GPC6: variants seen among roughly 807,000 people sequenced by gnomAD.
The protein encoded by GPC6 is glypican-6.
In GPC6, 14 loss-of-function variants were observed where a neutral mutation model predicts 55.2. That is an observed-to-expected ratio of 0.25 (90% CI 0.17 to 0.40). The LOEUF (loss-of-function observed/expected upper bound fraction) is 0.40, where lower values mean the gene tolerates loss of function less well. Among genes scored for constraint, GPC6 ranks in the 10% least tolerant of loss-of-function variants. The pLI, the probability that GPC6 is intolerant of heterozygous loss-of-function variation, is 1.00. For missense variants in GPC6, 641 were observed against 708.5 expected, an observed-to-expected ratio of 0.90 and a Z score of 1.08; for synonymous variants, 278 against 259.6, an observed-to-expected ratio of 1.07 and a Z score of -0.68.
At chr13:93,703,977 A>T (rs1170881422) in intron 2 of GPC6, among the ~76,000 whole-genome samples, 1 of 152,010 alleles carries the variant, frequency 6.6e-6, no homozygotes, top group Non-Finnish European at 1.5e-5. Flanking sequence ...TTACAATTAA[A>T]CTATCCATGA....
intron 3 of GPC6, among the ~76,000 whole-genome samples, chr13:93,926,389 G>A (rs1877861452): frequency 6.6e-6 from 1 of 152,218 alleles, no homozygotes; most frequent in South Asian, 2.1e-4. Flanking sequence ...ACCAAGGACA[G>A]TTTTGTATAT....
intron 3 of GPC6, among the ~76,000 whole-genome samples, chr13:93,944,170 TTTTATTTA>T (rs140286554): frequency 0.23 from 33,781 of 144,738 alleles, 4,564 homozygotes; most frequent in Non-Finnish European, 0.31. Context: ...CTTCCTTTTA[TTTTATTTA>T]TTTATTTATT....
chr13:93,254,689 G>A (rs558176870), intron 1 of GPC6, among the ~76,000 whole-genome samples: 1 of 152,034 alleles, frequency 6.6e-6, no homozygotes, highest in East Asian at 1.9e-4. Context: ...GATGTTTTAA[G>A]TAAGTTCTGG....
At chr13:93,634,917 A>G (rs1879629497) in intron 2 of GPC6, among the ~76,000 whole-genome samples, 1 of 152,170 alleles carries the variant, frequency 6.6e-6, no homozygotes, top group Admixed American at 6.5e-5. Context: ...GAGTAGGCAA[A>G]ACTCTAGAAT....
intron 2 of GPC6, among the ~76,000 whole-genome samples, chr13:93,676,299 C>T (rs746183972): frequency 1.3e-5 from 2 of 150,934 alleles, no homozygotes; most frequent in Non-Finnish European, 2.9e-5. Flanking sequence ...TGCCCGTAAT[C>T]CCAGCTACTC....
chr13:94,171,523 C>A (rs1888567624), intron 4 of GPC6, among the ~76,000 whole-genome samples: 1 of 152,140 alleles, frequency 6.6e-6, no homozygotes, highest in Non-Finnish European at 1.5e-5. Flanking sequence ...CACTGCATGA[C>A]ATTCAAAAGA....
chr13:93,448,243 G>A (rs1158893567), intron 1 of GPC6, among the ~76,000 whole-genome samples: 1 of 152,144 alleles, frequency 6.6e-6, no homozygotes, highest in Non-Finnish European at 1.5e-5. Context: ...AAAAATTCCT[G>A]TTGTGAAATA....
intron 1 of GPC6, among the ~76,000 whole-genome samples, chr13:93,415,398 C>G (rs1005551819): frequency 6.6e-6 from 1 of 152,064 alleles, no homozygotes; most frequent in African/African-American, 2.4e-5. Flanking sequence ...AGCATCCATA[C>G]TAATGATTGC....
At chr13:93,495,740 A>G (rs1880238387) in intron 1 of GPC6, among the ~76,000 whole-genome samples, 1 of 135,550 alleles carries the variant, frequency 7.4e-6, no homozygotes, top group Non-Finnish European at 1.6e-5. Flanking sequence ...ATTCCTTCTA[A>G]CAGACAGGAC....
At chr13:93,850,688 A>T (rs952468669) in intron 3 of GPC6, among the ~76,000 whole-genome samples, 1 of 151,980 alleles carries the variant, frequency 6.6e-6, no homozygotes. Context: ...ATGTAAAGAG[A>T]GGAGAAACTT....
chr13:93,494,040 C>T lies in GPC6; in HGVS notation c.161-51223C>T, dbSNP rs9706613. Among the ~76,000 whole-genome samples, 12 of 127,566 alleles carry T rather than the reference C, an allele frequency of 9.4e-5. 1 individual carries two copies. Among genetic ancestry groups the T allele is most frequent in the East Asian group, 3.3e-4 (1 of 3,010 alleles). 83.7% of individuals were successfully genotyped at this position (127,566 alleles called of 152,430 possible). On this transcript the variant is annotated intron_variant, in intron 1 of 8. Transcript: ENST00000377047. The stretch of plus-strand genomic sequence containing the variant: ...GAGTTCTGTAGATGTCTATTAGGTC[C>T]GCTTGGTGCAGCGCTGAGTTCAATT...
chr13:93,584,684 GTTTTTT>G (rs779571682), intron 2 of GPC6, among the ~76,000 whole-genome samples: 10 of 95,570 alleles, frequency 1.0e-4, no homozygotes, highest in Non-Finnish European at 1.4e-4. Context: ...CCTTCTGAAA[GTTTTTT>G]TTTTTTTTTT....
chr13:93,381,749 G>C (rs1875178994), intron 1 of GPC6, among the ~76,000 whole-genome samples: 1 of 152,094 alleles, frequency 6.6e-6, no homozygotes, highest in Non-Finnish European at 1.5e-5. Flanking sequence ...TTACACAAGT[G>C]GCACTAGAAT....
chr13:94,093,871 C>T (rs1419511787), intron 4 of GPC6, among the ~76,000 whole-genome samples: 1 of 152,006 alleles, frequency 6.6e-6, no homozygotes, highest in Admixed American at 6.6e-5. Flanking sequence ...ACTGAGTATT[C>T]AGTGTACATG....
At chr13:93,665,255 TATGCAGCC>T (rs1396636686) in intron 2 of GPC6, among the ~76,000 whole-genome samples, 3 of 152,256 alleles carry the variant, frequency 2.0e-5, no homozygotes, top group African/African-American at 7.2e-5. Context: ...TCCATAATGA[TATGCAGCC>T]ATGCAGCCAT....
intron 1 of GPC6, among the ~76,000 whole-genome samples, chr13:93,284,498 T>C (rs1403904269): frequency 6.6e-6 from 1 of 152,230 alleles, no homozygotes; most frequent in Non-Finnish European, 1.5e-5. Flanking sequence ...GGTATTCTCT[T>C]TATTCACTTG....
At chr13:94,283,271 C>T (rs1184860489) in intron 4 of GPC6, among the ~76,000 whole-genome samples, 3 of 152,216 alleles carry the variant, frequency 2.0e-5, no homozygotes, top group East Asian at 1.9e-4. Flanking sequence ...TTTACAAGCA[C>T]GATTTCATTT....
At chr13:94,078,362 A>T (rs1001752949) in intron 4 of GPC6, among the ~76,000 whole-genome samples, 2 of 151,898 alleles carry the variant, frequency 1.3e-5, no homozygotes, top group African/African-American at 4.8e-5. Flanking sequence ...TAGAAAAAGA[A>T]CAAACTAAGC....
chr13:94,086,107 C>G (rs571938914), intron 4 of GPC6, among the ~76,000 whole-genome samples: 1 of 152,022 alleles, frequency 6.6e-6, no homozygotes, highest in African/African-American at 2.4e-5. Context: ...AGAACTTTCT[C>G]TGCTTCCGTG....
Sources: allele counts gnomAD v4.1 joint callset (sites outside exome capture counted in the v4.1 genomes callset), GRCh38; gene constraint gnomAD v4.1.1; transcripts MANE v1.5; gene names NCBI Gene and HGNC (gene_info 2026-07-23, HGNC 2026-07-21).